The following TEP1 variants were observed in gnomAD, a reference collection of about 807,000 sequenced individuals.
The protein encoded by TEP1 is telomerase protein component 1.
Under a neutral mutation model 306.3 loss-of-function variants are expected in TEP1, and 241 were observed. The observed-to-expected ratio is 0.79, with a 90% confidence interval of 0.71 to 0.88. The LOEUF (loss-of-function observed/expected upper bound fraction) is 0.88. Ranked by LOEUF, TEP1 falls within the 40% of genes least tolerant of loss-of-function variation. TEP1 has a pLI of 0.00. For missense variants in TEP1, 3,051 were observed against 3,276.1 expected, an observed-to-expected ratio of 0.93 and a Z score of 1.68; for synonymous variants, 1,289 against 1,305.5, an observed-to-expected ratio of 0.99 and a Z score of 0.27.
intron 8 of TEP1, 139 bp downstream of exon 8, chr14:20,401,318 G>C (rs893493838): frequency 4.3e-6 from 6 of 1,389,408 alleles, no homozygotes; most frequent in Admixed American, 2.5e-5. Flanking sequence ...GCAGCAATTG[G>C]AAAGGCAGTC....
rs1876489136 is a variant in TEP1 at position 20,381,178 on chromosome 14, T to C, written c.4648-133A>G. 2 of 1,221,128 alleles carry C rather than the reference T, an allele frequency of 1.6e-6. No individual in the cohort carries two copies. The highest frequency in any genetic ancestry group is 1.7e-5 in the Admixed American group (1 of 58,410). The allele number at this position is 1,221,128 out of a possible 1,614,324, so 75.6% of individuals were successfully genotyped here. ...ACTTGAAGAAGAAGGGCAGGAAAAC[T>C]GAAAGGAAAGAGGTCAAGGGAGTTT... is the stretch of plus-strand genomic sequence containing the variant. On this transcript the variant is annotated intron_variant, in intron 32 of 54. Coordinates refer to ENST00000262715, the MANE Select transcript of TEP1 (RefSeq NM_007110.5). This position sits in a 1 kb window ranked among gnomAD's most constrained non-coding sequence, Gnocchi z 4.0.
intron 1 of TEP1, among the ~76,000 whole-genome samples, chr14:20,412,503 C>G (rs954444334): frequency 1.3e-5 from 2 of 152,128 alleles, no homozygotes; most frequent in African/African-American, 4.8e-5. Context: ...ACATTGCTCA[C>G]AGTTTTATAC....
chr14:20,392,488 A>G (rs77084680), intron 12 of TEP1, among the ~76,000 whole-genome samples: 1 of 41,756 alleles, frequency 2.4e-5, no homozygotes, highest in Non-Finnish European at 4.8e-5. Context: ...CCAGTGAACA[A>G]AAACAGAAAA....
intron 14 of TEP1, 48 bp downstream of exon 14, chr14:20,390,890 G>A: frequency 6.2e-7 from 1 of 1,612,740 alleles, no homozygotes; most frequent in Non-Finnish European, 8.5e-7. Context: ...CTATTCCCAG[G>A]CCTGTGTCCT....
In TEP1 at chr14:20,408,405, G is replaced by C. The variant is rs766833211; in HGVS notation, c.35C>G (p.Pro12Arg). The C allele has an allele frequency of 6.2e-7, 1 of 1,613,972 alleles. No homozygotes were observed. The highest frequency in any genetic ancestry group is 2.2e-5 in the East Asian group (1 of 44,884). Residue 12 changes from proline (P) to arginine (R), a missense_variant, in exon 2 of 55, where the codon CCA becomes CGA. Physicochemically the swap from Pro to Arg is moderately radical, Grantham distance 103 (BLOSUM62 -2). Coordinates refer to ENST00000262715, the MANE Select transcript of TEP1 (RefSeq NM_007110.5). ...EKLHGHVSAH[P>R]DILSLENRCL... ...CCGGTTCTCCAAGGAGAGGATGTCT[G>C]GATGGGCAGACACATGCCCATGGAG...
At chr14:20,372,924 AG>A (rs1472258708) in intron 48 of TEP1, 67 bp from the exon 49 acceptor site, 2 of 1,613,220 alleles carry the variant, frequency 1.2e-6, no homozygotes, top group East Asian at 4.5e-5. Context: ...TTTCCCTCCC[AG>A]GCACATATGC....
chr14:20,375,817 A>T lies in TEP1; in HGVS notation c.6301T>A (p.Ser2101Thr). Residue 2101 changes from serine (S) to threonine (T), a missense_variant, in exon 43 of 55, where the codon TCC becomes ACC. Physicochemically the swap from Ser to Thr is moderately conservative, Grantham distance 58. Transcript: ENST00000262715. ...RTPKTPVLIH[S>T]FPACHRDWVT... The stretch of plus-strand genomic sequence containing the variant: ...CAGTCACGGTGACAGGCAGGGAAGG[A>T]GTGGATCAAAACAGGGGTTTTGGGT... 1 of 1,613,490 alleles carries T rather than the reference A, an allele frequency of 6.2e-7. No individual in the cohort carries two copies. The highest frequency in any genetic ancestry group is 8.5e-7 in the Non-Finnish European group (1 of 1,179,862).
At chr14:20,385,198 C>G in intron 20 of TEP1, 89 bp from the exon 21 acceptor site, 1 of 1,522,152 alleles carries the variant, frequency 6.6e-7, no homozygotes, top group Admixed American at 1.8e-5. Flanking sequence ...TCCTGTATCT[C>G]TGATGTTCCT....
chr14:20,403,314 C>T (rs376299827), intron 7 of TEP1, 63 bp downstream of exon 7: 18 of 1,572,600 alleles, frequency 1.1e-5, no homozygotes, highest in East Asian at 6.7e-5. Context: ...GAATTTTGTT[C>T]GTAAATATTA....
rs1336115565 is a variant in TEP1 at position 20,369,452 on chromosome 14, A to T, written c.7548T>A (p.Thr2516=). The change falls in exon 53 of 55, where the codon ACT becomes ACA. Residue 2516 remains threonine (T), a synonymous_variant. Coordinates refer to ENST00000262715, the MANE Select transcript of TEP1 (RefSeq NM_007110.5). ...TGCAGGTAGATGGGTCTGTCCCTGG[A>T]GTTTGGGTTTCTGGAGTGTTTGCTT... The part of the protein sequence containing the change: ...QKKANTPETQ[T]PGTDPSTCRE... 52 of 1,613,890 alleles carry T rather than the reference A, an allele frequency of 3.2e-5. No homozygotes were observed. The highest frequency in any genetic ancestry group is 4.3e-5 in the Non-Finnish European group (51 of 1,180,024).
rs373299312 is a variant in TEP1, at chr14:20,402,283, G to C, written c.1267-702C>G. Among the ~76,000 whole-genome samples the C allele has an allele frequency of 7.9e-5, 12 of 152,204 alleles. No homozygotes were observed. The East Asian group carries it at 1.4e-3, about 17-fold the overall frequency. On this transcript the variant is annotated intron_variant, in intron 7 of 54. Coordinates refer to ENST00000262715, the MANE Select transcript of TEP1 (RefSeq NM_007110.5). Reference sequence around the variant, plus strand: ...AGACAGCACCACTGCACTCCAGCCTGGGCTACAGAGCAAGACTTCGTCTCA... The same window carrying C: ...AGACAGCACCACTGCACTCCAGCCTCGGCTACAGAGCAAGACTTCGTCTCA...
At position 20,368,408 on chromosome 14, in the gene TEP1, G is replaced by A. The variant is rs201372513; in HGVS notation, c.*29C>T. ...TCAGGCTTTGCATCTCTAGCACAAGGGGTATCATTATTCCCGAGTGGCACA... is the reference window on the plus strand; with the variant it reads ...TCAGGCTTTGCATCTCTAGCACAAGAGGTATCATTATTCCCGAGTGGCACA... On this transcript the variant is annotated 3_prime_UTR_variant, in exon 55 of 55. Transcript: ENST00000262715. The A allele has an allele frequency of 6.2e-7, 1 of 1,611,452 alleles. No individual in the cohort carries two copies. Among genetic ancestry groups the A allele is most frequent in the East Asian group, 2.2e-5 (1 of 44,790 alleles).
Position 20,369,481 on chromosome 14 carries a change from T to C in TEP1, c.7519A>G (p.Lys2507Glu). 9.9e-6 allele frequency: 16 copies of C among 1,614,192 alleles called. No homozygotes were observed. Among genetic ancestry groups the C allele is most frequent in the Non-Finnish European group, 1.3e-5 (15 of 1,180,034 alleles). ...TGGGTTTCTGGAGTGTTTGCTTTTT[T>C]CTGCCACATGTTACCTGTGGTCCAT... ...GEWTTGNMWQ[K>E]KANTPETQTP... Residue 2507 changes from lysine (K) to glutamate (E), a missense_variant, in exon 53 of 55, where the codon AAA (lysine) becomes GAA (glutamate). Around this residue, in one of 3 missense-constraint regions of TEP1, gnomAD observed 1,540 missense variants for 1,705.9 expected, o/e 0.90. Coordinates refer to ENST00000262715, the MANE Select transcript of TEP1 (RefSeq NM_007110.5).
At position 20,377,501 on chromosome 14, in the gene TEP1, TGAGA is replaced by T. The variant is rs1566446006; in HGVS notation, c.5876-13_5876-10del. The stretch of plus-strand genomic sequence containing the variant: ...CTGAGCCCCCTGGGAACCTAGAGAA[TGAGA>T]GAGAACAAGGGAGTAAGACACTTGG... On this transcript the variant is annotated splice_polypyrimidine_tract_variant and intron_variant, in intron 40 of 54. Transcript: ENST00000262715. 1 of 1,612,620 alleles carries T rather than the reference TGAGA, an allele frequency of 6.2e-7. No homozygotes were observed.
rs1244671375 is a variant in TEP1 at position 20,401,101 on chromosome 14, G to A, written c.1432C>T (p.Pro478Ser). The A allele has an allele frequency of 5.0e-6, 8 of 1,614,214 alleles. No homozygotes were observed. The highest frequency in any genetic ancestry group is 6.8e-6 in the Non-Finnish European group (8 of 1,180,052). ...GCTCTGCTAGAATCCCAAGGCCCAG[G>A]AAGGCGACTTCGAGAAAAGAGCTGT... ...NLQLFSRSRL[P>S]GPWDSSRAGK... Residue 478 changes from proline to serine, a missense_variant, in exon 9 of 55, where the codon CCT becomes TCT. Around this residue, in one of 3 missense-constraint regions of TEP1, gnomAD observed 1,507 missense variants for 1,550.5 expected, o/e 0.97. Coordinates refer to ENST00000262715, the MANE Select transcript of TEP1 (RefSeq NM_007110.5).
In TEP1 at chr14:20,367,567, T is replaced by G. The variant is rs911327795; in HGVS notation, c.*870A>C. 5 of 151,876 alleles carry G rather than the reference T, an allele frequency of 3.3e-5. No individual in the cohort carries two copies. Among genetic ancestry groups the G allele is most frequent in the Non-Finnish European group, 5.9e-5 (4 of 67,998 alleles). 9.4% of individuals were successfully genotyped at this position (151,876 alleles called of 1,614,324 possible). On this transcript the variant is annotated 3_prime_UTR_variant, in exon 55 of 55. Transcript: ENST00000262715. ...TCAGAAGTTGGGAAAACCAGAAGGT[T>G]TGTTCCGCTTTCAATGGCTTGGCTC...
chr14:20,401,501 G>A lies in TEP1; in HGVS notation c.1347C>T (p.His449=). 2 of 1,614,242 alleles carry A rather than the reference G, an allele frequency of 1.2e-6. No individual in the cohort carries two copies. Among genetic ancestry groups the A allele is most frequent in the South Asian group, 1.1e-5 (1 of 91,086 alleles). The change falls in exon 8 of 55, where the codon CAC becomes CAT. Residue 449 remains histidine (H), a synonymous_variant. Coordinates refer to ENST00000262715, the MANE Select transcript of TEP1 (RefSeq NM_007110.5). ...FTLKKLVQRL[H]IHKPAQHVQA... is the part of the protein sequence containing the mutation. ...GAACGTGCTGGGCAGGCTTGTGGATGTGCAGTCGCTGAACCAGCTTCTTCA... is the reference window on the plus strand; with the variant it reads ...GAACGTGCTGGGCAGGCTTGTGGATATGCAGTCGCTGAACCAGCTTCTTCA...
chr14:20,408,029 C>A lies in TEP1; in HGVS notation c.411G>T (p.Thr137=), dbSNP rs767536719. 1.9e-6 allele frequency: 3 copies of A among 1,614,140 alleles called. No homozygotes were observed. The highest frequency in any genetic ancestry group is 2.5e-6 in the Non-Finnish European group (3 of 1,180,030). The change falls in exon 2 of 55, where the codon ACG becomes ACT. Residue 137 remains threonine (T), a synonymous_variant. Coordinates refer to ENST00000262715, the MANE Select transcript of TEP1 (RefSeq NM_007110.5). ...TGTTCACACGGTACAAATCAGCTTG[C>A]GTCATGTGAGATATCTGTAGACTCT... ...LFQSLQISHM[T]QADLYRVNNS... is the part of the protein sequence containing the mutation.
intron 15 of TEP1, among the ~76,000 whole-genome samples, chr14:20,390,002 G>A (rs535550848): frequency 2.0e-4 from 30 of 152,270 alleles, no homozygotes; most frequent in Non-Finnish European, 4.0e-4. Context: ...AAGTTTGTGG[G>A]CAGTTGTTAA....
Sources: allele counts gnomAD v4.1 joint callset (sites outside exome capture counted in the v4.1 genomes callset), GRCh38; gene constraint gnomAD v4.1.1; regional missense constraint gnomAD v4.1.1; non-coding constraint Gnocchi (gnomAD v3.1); transcripts MANE v1.5; gene names NCBI Gene and HGNC (gene_info 2026-07-23, HGNC 2026-07-21).